Variants in RMDN3 observed in about 807,000 individuals in gnomAD.
The protein encoded by RMDN3 is regulator of microtubule dynamics 3.
Under a neutral mutation model 61.8 loss-of-function variants are expected in RMDN3, and 41 were observed. The ratio of observed to expected loss-of-function variants is 0.66; its 90% CI spans 0.52 to 0.86. The LOEUF is 0.86. Among genes scored for constraint, RMDN3 ranks in the 40% least tolerant of loss-of-function variants. The pLI, the probability that RMDN3 is intolerant of heterozygous loss-of-function variation, is 0.00. For synonymous variants in RMDN3, 247 were observed against 232.0 expected, an observed-to-expected ratio of 1.06 and a Z score of -0.59; for missense variants, 557 against 585.3, an observed-to-expected ratio of 0.95 and a Z score of 0.50.
Position 40,738,509 on chromosome 15 carries a change from T to C in RMDN3, c.1039A>G (p.Ser347Gly), listed in dbSNP as rs1238537347. 1 of 1,613,960 alleles carries C rather than the reference T, an allele frequency of 6.2e-7. No homozygotes were observed. Among genetic ancestry groups the C allele is most frequent in the Non-Finnish European group, 8.5e-7 (1 of 1,180,008 alleles). The change falls in exon 8 of 13, where the codon AGC becomes GGC. Residue 347 changes from serine to glycine, a missense_variant. Transcript: ENST00000338376. ...SIQRRIQSGF[S>G]FKEHVDKAIA... ...GAAAAGCCTGTCCTCACCTTGAAGC[T>C]AAAGCCACTCTGGATGCGCCTCTGG...
chr15:40,752,235 T>A lies in RMDN3; in HGVS notation c.188-57A>T, dbSNP rs1403822062. 2.6e-6 allele frequency: 4 copies of A among 1,534,282 alleles called. No homozygotes were observed. The African/African-American group carries it at 4.1e-5, about 16-fold the overall frequency. ...ACACAGGAATATGGTGGGGAAGAGA[T>A]CTCACACCCAGAATTCAAGAATACC... On this transcript the variant is annotated intron_variant, in intron 2 of 12. Transcript: ENST00000338376.
At chr15:40,751,605 G>A (rs766169329) in intron 3 of RMDN3, 36 bp from the exon 4 acceptor site, 19 of 1,613,684 alleles carry the variant, frequency 1.2e-5, no homozygotes, top group Non-Finnish European at 1.6e-5. Context: ...GGTACCATTA[G>A]GTCCCATCCA....
In RMDN3 at chr15:40,750,262, C is replaced by T. The variant is rs1897764317; in HGVS notation, c.524+1164G>A. 3.6e-5 allele frequency among the ~76,000 whole-genome samples: 5 copies of T among 139,602 alleles called. No individual in the cohort carries two copies. The Admixed American group carries it at 3.8e-4, about 11-fold the overall frequency. The allele number at this position is 139,602 out of a possible 152,430, so 91.6% of individuals were successfully genotyped here. On this transcript the variant is annotated intron_variant, in intron 4 of 12. Coordinates refer to ENST00000338376, the MANE Select transcript of RMDN3 (RefSeq NM_018145.3). ...TGAGATGGAGTCTCACTCTGTCTCA[C>T]AGGCTGGAGTGCAGTGGCGCAATCT...
At chr15:40,743,934 T>G (rs1897382193) in intron 6 of RMDN3, 113 bp downstream of exon 6, 1 of 837,360 alleles carries the variant, frequency 1.2e-6, no homozygotes, top group Non-Finnish European at 1.9e-6. Flanking sequence ...AGTGGGTAAC[T>G]GAGCCACAAC....
chr15:40,740,154 T>C lies in RMDN3; in HGVS notation c.950A>G (p.Glu317Gly). 2 of 1,612,302 alleles carry C rather than the reference T, an allele frequency of 1.2e-6. No homozygotes were observed. Among genetic ancestry groups the C allele is most frequent in the African/African-American group, 2.7e-5 (2 of 75,034 alleles). ...TTACCACAGGTGACAGTCAGCACTC[T>C]CATCCCCCTTCTCCAGAGCAGCCTC... ...EAEAALEKGDESADCHLWYAV... is the reference protein window; with the variant it reads ...EAEAALEKGDGSADCHLWYAV... Residue 317 changes from glutamate (E) to glycine (G), a missense_variant, in exon 7 of 13, where the codon GAG becomes GGG. Physicochemically the swap from Glu to Gly is moderately conservative, Grantham distance 98. Transcript: ENST00000338376.
Position 40,741,620 on chromosome 15 carries a change from A to ATTTT in RMDN3, c.911-1431_911-1428dup, listed in dbSNP as rs553262858. Among the ~76,000 whole-genome samples, 269 of 71,722 alleles carry ATTTT rather than the reference A, an allele frequency of 3.8e-3. 36 individuals carry two copies. The highest frequency in any genetic ancestry group is 0.021 in the East Asian group (33 of 1,600). The allele number at this position is 71,722 out of a possible 152,430, so 47.1% of individuals were successfully genotyped here. ...ACTGGAGAAGACACTGCAACATAGG[A>ATTTT]TTTTTTTTTTTTTTTTTTTTTTTTT... On this transcript the variant is annotated intron_variant, in intron 6 of 12. Coordinates refer to ENST00000338376, the MANE Select transcript of RMDN3 (RefSeq NM_018145.3).
At chr15:40,750,117 G>A (rs922159586) in intron 4 of RMDN3, among the ~76,000 whole-genome samples, 23 of 152,032 alleles carry the variant, frequency 1.5e-4, no homozygotes, top group Middle Eastern at 6.8e-3. Flanking sequence ...ACCCAGGCTG[G>A]AGTGCAGTGG....
At position 40,745,042 on chromosome 15, in the gene RMDN3, G is replaced by T. The variant is rs751276979; in HGVS notation, c.742C>A (p.Leu248Met). Residue 248 changes from leucine (L) to methionine (M), a missense_variant, in exon 5 of 13, where the codon CTG becomes ATG. Transcript: ENST00000338376. ...VLPLLQQADE[L>M]HRGDEQGKRE... ...TTGCCTTGCTCATCACCCCTGTGCA[G>T]CTCGTCGGCCTGCTGCAGGAGGGGC... is the stretch of plus-strand genomic sequence containing the variant. 34 of 1,614,102 alleles carry T rather than the reference G, an allele frequency of 2.1e-5. No individual in the cohort carries two copies. Among genetic ancestry groups the T allele is most frequent in the Non-Finnish European group, 2.6e-5 (31 of 1,180,014 alleles).
chr15:40,736,588 C>G lies in RMDN3; in HGVS notation c.1366G>C (p.Ala456Pro). 1 of 1,613,858 alleles carries G rather than the reference C, an allele frequency of 6.2e-7. No individual in the cohort carries two copies. The highest frequency in any genetic ancestry group is 2.2e-5 in the East Asian group (1 of 44,866). ...AGTTCTTCCAGGTCCTTCTGGATAG[C>G]CAAATCCTAGGGAGACAAAGAACAA... ...ELPDVTKEDL[A>P]IQKDLEELEV... The change falls in exon 13 of 13, where the codon GCT becomes CCT. Residue 456 changes from alanine (A) to proline (P), a missense_variant. Transcript: ENST00000338376.
At chr15:40,748,600 G>A (rs1309806898) in intron 4 of RMDN3, among the ~76,000 whole-genome samples, 1 of 152,172 alleles carries the variant, frequency 6.6e-6, no homozygotes, top group Non-Finnish European at 1.5e-5. Context: ...CCAGAAGTTT[G>A]TACTTCTTTA....
At chr15:40,740,462 A>G (rs1424921827) in intron 6 of RMDN3, among the ~76,000 whole-genome samples, 2 of 152,174 alleles carry the variant, frequency 1.3e-5, no homozygotes, top group African/African-American at 4.8e-5. Flanking sequence ...CCTGGCCAAC[A>G]CAGTGAAACC....
chr15:40,738,081 C>CAG (rs1567061350), intron 8 of RMDN3, 39 bp from the exon 9 acceptor site: 1 of 1,604,222 alleles, frequency 6.2e-7, no homozygotes, highest in East Asian at 2.2e-5. Context: ...CATCAGACAC[C>CAG]AGAGTTGCTA....
chr15:40,738,101 C>T, intron 8 of RMDN3, 59 bp from the exon 9 acceptor site: 1 of 1,569,050 alleles, frequency 6.4e-7, no homozygotes, highest in Non-Finnish European at 8.8e-7. Context: ...AAAAGAGAGG[C>T]AAGGGCCGGA....
chr15:40,753,532 A>AAAAGT (rs1897913712), intron 2 of RMDN3, among the ~76,000 whole-genome samples: 1 of 149,204 alleles, frequency 6.7e-6, no homozygotes, highest in Non-Finnish European at 1.5e-5. Flanking sequence ...AAAAGAAAAG[A>AAAAGT]AAAAAGAAAA....
intron 2 of RMDN3, among the ~76,000 whole-genome samples, chr15:40,752,919 T>A (rs1218521077): frequency 6.6e-6 from 1 of 152,042 alleles, no homozygotes; most frequent in African/African-American, 2.4e-5. Context: ...TTAAAGGAAA[T>A]CTGGTAAAAA....
intron 7 of RMDN3, chr15:40,739,655 G>C (rs1276989931): frequency 6.4e-6 from 1 of 156,420 alleles, no homozygotes; most frequent in African/African-American, 2.4e-5. Context: ...CCACAAAAAG[G>C]GCTGATGTTT....
chr15:40,744,943 G>T (rs1292267937), intron 5 of RMDN3, 34 bp downstream of exon 5: 3 of 1,550,610 alleles, frequency 1.9e-6, no homozygotes, highest in Admixed American at 1.9e-5. Context: ...AGGGAGGGAG[G>T]GAAGGAGAAG....
At position 40,737,617 on chromosome 15, in the gene RMDN3, C is replaced by T. The variant is rs549238967; in HGVS notation, c.1224+11G>A. 6.8e-6 allele frequency: 11 copies of T among 1,609,054 alleles called. No individual in the cohort carries two copies. In the African/African-American group the frequency reaches 1.3e-4, roughly 20 times the overall value. On this transcript the variant is annotated intron_variant, in intron 10 of 12. Coordinates refer to ENST00000338376, the MANE Select transcript of RMDN3 (RefSeq NM_018145.3). ...CCTGGTGTTTTTGCCTGCCACCTGC[C>T]CCTCTCATACCTTTAGGAAGCTCTG...
chr15:40,745,190 A>C lies in RMDN3; in HGVS notation c.594T>G (p.Asp198Glu), dbSNP rs1360868391. The change falls in exon 5 of 13, where the codon GAT becomes GAG. Residue 198 changes from aspartate to glutamate, a missense_variant. Asp to Glu is a conservative substitution (Grantham distance 45, BLOSUM62 2). Transcript: ENST00000338376. ...DSDKESEDGE[D>E]EVSCETVKMG... ...TCTTCACAGTCTCACAGCTCACTTC[A>C]TCTTCCCCGTCCTCACTTTCTTTGT... 4 of 1,613,930 alleles carry C rather than the reference A, an allele frequency of 2.5e-6. No individual in the cohort carries two copies. The South Asian group carries it at 4.4e-5, about 18-fold the overall frequency.
Sources: allele counts gnomAD v4.1 joint callset (sites outside exome capture counted in the v4.1 genomes callset), GRCh38; gene constraint gnomAD v4.1.1; transcripts MANE v1.5; gene names NCBI Gene and HGNC (gene_info 2026-07-23, HGNC 2026-07-21).